Variants in SLC1A7 observed in about 807,000 individuals in gnomAD.
The protein encoded by SLC1A7 is excitatory amino acid transporter 5.
In SLC1A7, 40 loss-of-function variants were observed where a neutral mutation model predicts 47.7. The observed-to-expected ratio is 0.84, with a 90% CI of 0.65 to 1.09. SLC1A7 has a LOEUF of 1.09. SLC1A7 is among the 50% of genes least tolerant of loss of function. The probability of loss-of-function intolerance (pLI) is 0.00; values close to 1 mark genes in which losing one functional copy is unlikely to be tolerated. For missense variants in SLC1A7, 746 were observed against 769.5 expected (o/e 0.97, Z 0.36); for synonymous variants, 323 against 325.6 (o/e 0.99, Z 0.09).
intron 3 of SLC1A7, among the ~76,000 whole-genome samples, chr1:53,109,685 T>C (rs1012121379): frequency 2.0e-5 from 3 of 152,176 alleles, no homozygotes; most frequent in African/African-American, 7.2e-5. Flanking sequence ...GCACCTGTTC[T>C]GGGCCAGGGC....
chr1:53,101,014 T>G, intron 5 of SLC1A7, among the ~76,000 whole-genome samples: 1 of 140,570 alleles, frequency 7.1e-6, no homozygotes, highest in Non-Finnish European at 1.6e-5. Context: ...ACCCTGCCTT[T>G]GTCCACTCAC....
chr1:53,139,496 G>A (rs1408642781), intron 1 of SLC1A7, among the ~76,000 whole-genome samples: 2 of 152,208 alleles, frequency 1.3e-5, no homozygotes, highest in Non-Finnish European at 2.9e-5. Flanking sequence ...GGCAGTGGGT[G>A]GAGATGGGTG....
chr1:53,135,568 C>T (rs1464192778), intron 1 of SLC1A7, among the ~76,000 whole-genome samples: 2 of 152,178 alleles, frequency 1.3e-5, no homozygotes, highest in African/African-American at 4.8e-5. Flanking sequence ...ACTCCTTGCC[C>T]AATAAGCTGT....
rs1000780239 is a variant in SLC1A7, at chr1:53,087,868, C to T, written c.*141G>A. ...TCTCTGAGATACATTTTCCGTCAAG[C>T]GGGGTTAATTCCAGCCTCTCAAGGG... On this transcript the variant is annotated 3_prime_UTR_variant, in exon 11 of 11. Coordinates refer to ENST00000371494, the MANE Select transcript of SLC1A7 (RefSeq NM_006671.6). 14 of 445,096 alleles carry T rather than the reference C, an allele frequency of 3.1e-5. No homozygotes were observed. Among genetic ancestry groups the T allele is most frequent in the Non-Finnish European group, 5.2e-5 (13 of 252,164 alleles). 27.6% of individuals were successfully genotyped at this position (445,096 alleles called of 1,614,324 possible).
At chr1:53,103,192 T>A in intron 5 of SLC1A7, 154 bp downstream of exon 5, 2 of 609,018 alleles carry the variant, frequency 3.3e-6, no homozygotes, top group Non-Finnish European at 2.7e-6. Context: ...AGGCGAAGGA[T>A]TTAAATAAAC....
intron 2 of SLC1A7, among the ~76,000 whole-genome samples, chr1:53,123,186 C>A (rs568587216): frequency 2.0e-5 from 3 of 152,300 alleles, no homozygotes; most frequent in African/African-American, 7.2e-5. Flanking sequence ...GCAGTCAGGG[C>A]CAGGTCCAGT....
At chr1:53,104,525 G>A (rs540770187) in intron 4 of SLC1A7, among the ~76,000 whole-genome samples, 14 of 152,294 alleles carry the variant, frequency 9.2e-5, no homozygotes, top group South Asian at 4.1e-4. Context: ...AAAGAGAAAG[G>A]GCATTCCAGA....
chr1:53,090,517 C>T lies in SLC1A7; in HGVS notation c.1226+95G>A, dbSNP rs546530098. ...GCCTGCTGTGCTCCGAGCCCAGGCT[C>T]GCTCGCTTCAGATACCCCTCAAGTC... On this transcript the variant is annotated intron_variant, in intron 8 of 10. Transcript: ENST00000371494. The T allele has an allele frequency of 4.6e-5, 66 of 1,440,008 alleles. No individual in the cohort carries two copies. The East Asian group carries it at 1.1e-3, about 23-fold the overall frequency. 89.2% of individuals were successfully genotyped at this position (1,440,008 alleles called of 1,614,324 possible). A position where few individuals can be genotyped will look rare whatever the true frequency, so the allele number is the denominator to read the frequency against.
intron 4 of SLC1A7, among the ~76,000 whole-genome samples, chr1:53,105,113 A>G (rs937331343): frequency 6.6e-6 from 1 of 152,234 alleles, no homozygotes; most frequent in Non-Finnish European, 1.5e-5. Context: ...TTATAATATT[A>G]TTTAAAAATA....
chr1:53,093,491 G>C lies in SLC1A7; in HGVS notation c.767C>G (p.Ser256Trp), dbSNP rs775058993. The C allele has an allele frequency of 1.2e-6, 2 of 1,611,146 alleles. No homozygotes were observed. Among genetic ancestry groups the C allele is most frequent in the Non-Finnish European group, 8.5e-7 (1 of 1,179,786 alleles). ...AGCCACCGCCACGATCTTCATGACC[G>C]ACTCATTGAGGCACTGGCAGAAGCT... ...LVSFCQCLNESVMKIVAVAVW... is the reference protein window; with the variant it reads ...LVSFCQCLNEWVMKIVAVAVW... Residue 256 changes from serine (S) to tryptophan (W), a missense_variant, in exon 6 of 11, where the codon TCG becomes TGG. Coordinates refer to ENST00000371494, the MANE Select transcript of SLC1A7 (RefSeq NM_006671.6).
intron 5 of SLC1A7, chr1:53,102,441 C>A (rs951535165): frequency 6.6e-6 from 1 of 152,102 alleles, no homozygotes; most frequent in African/African-American, 2.4e-5. Flanking sequence ...GGCACTCGGC[C>A]TAGTCTGCGG....
chr1:53,122,989 C>T (rs894946053), intron 2 of SLC1A7, among the ~76,000 whole-genome samples: 1 of 152,122 alleles, frequency 6.6e-6, no homozygotes, highest in African/African-American at 2.4e-5. Context: ...CCCTGCTGCC[C>T]TCTGAAGGTC....
At chr1:53,134,596 A>G (rs1256140951) in intron 1 of SLC1A7, among the ~76,000 whole-genome samples, 167 bp from the exon 2 acceptor site, 2 of 152,128 alleles carry the variant, frequency 1.3e-5, no homozygotes, top group Admixed American at 6.5e-5. Context: ...CTGGGTTCCA[A>G]TCCTGGTAAA....
rs1288260329 is a variant in SLC1A7 at position 53,090,874 on chromosome 1, G to C, written c.1032-68C>G. Reference sequence around the variant, plus strand: ...GGATGGCTGGGGCCTCTGTCGGGAAGCTCACCCCTCCCCAGGCAGCCACCC... The same window carrying C: ...GGATGGCTGGGGCCTCTGTCGGGAACCTCACCCCTCCCCAGGCAGCCACCC... On this transcript the variant is annotated intron_variant, in intron 7 of 10. Transcript: ENST00000371494. The C allele has an allele frequency of 2.6e-6, 4 of 1,554,306 alleles. No individual in the cohort carries two copies. The South Asian group carries it at 4.7e-5, about 18-fold the overall frequency.
At position 53,087,439 on chromosome 1, in the gene SLC1A7, A is replaced by G. The variant is rs1644372180; in HGVS notation, c.*570T>C. 1 of 152,288 alleles carries G rather than the reference A, an allele frequency of 6.6e-6. No homozygotes were observed. The highest frequency in any genetic ancestry group is 1.5e-5 in the Non-Finnish European group (1 of 68,094). 9.4% of individuals were successfully genotyped at this position (152,288 alleles called of 1,614,324 possible). On this transcript the variant is annotated 3_prime_UTR_variant, in exon 11 of 11. Transcript: ENST00000371494. ...AAGACATCTGTCTCCACATCCAAGG[A>G]GCTTTGCAAAAGACACGTGGCAGGA...
chr1:53,122,113 A>G (rs143364377), intron 2 of SLC1A7, among the ~76,000 whole-genome samples: 2 of 152,162 alleles, frequency 1.3e-5, no homozygotes, highest in Non-Finnish European at 2.9e-5. Flanking sequence ...GCTCAGCACC[A>G]GGAATAACTT....
chr1:53,119,336 G>A (rs554597960), intron 2 of SLC1A7, among the ~76,000 whole-genome samples: 2 of 152,248 alleles, frequency 1.3e-5, no homozygotes, highest in South Asian at 4.2e-4. Context: ...GATCTGGTTT[G>A]GGCTATGATT....
At position 53,090,964 on chromosome 1, in the gene SLC1A7, G is replaced by C. The variant is rs1297957049; in HGVS notation, c.1032-158C>G. The C allele has an allele frequency of 2.0e-6, 3 of 1,510,404 alleles. No individual in the cohort carries two copies. The Admixed American group carries it at 6.1e-5, about 31-fold the overall frequency. The allele number at this position is 1,510,404 out of a possible 1,614,324, so 93.6% of individuals were successfully genotyped here. ...GGAGGTAAGGACCGCGGGCACTGCA[G>C]TGCTCTCACTTGGTTCTTCCTATGA... On this transcript the variant is annotated intron_variant, in intron 7 of 10. Transcript: ENST00000371494.
At position 53,142,508 on chromosome 1, in the gene SLC1A7, G is replaced by A. The variant is rs1192656161; in HGVS notation, c.-59C>T. Reference sequence around the variant, plus strand: ...CCATTCCACGCATGAGAGCCCGGCCGGGGGCACAGGGTCTGGGCTGAGGGC... The same window carrying A: ...CCATTCCACGCATGAGAGCCCGGCCAGGGGCACAGGGTCTGGGCTGAGGGC... On this transcript the variant is annotated 5_prime_UTR_variant, in exon 1 of 11. Coordinates refer to ENST00000371494, the MANE Select transcript of SLC1A7 (RefSeq NM_006671.6). 32 of 1,576,820 alleles carry A rather than the reference G, an allele frequency of 2.0e-5. No individual in the cohort carries two copies. The highest frequency in any genetic ancestry group is 2.0e-5 in the Non-Finnish European group (23 of 1,162,106).
Sources: gnomAD v4.1 joint callset for allele counts (sites outside exome capture counted in the v4.1 genomes callset) on GRCh38, gnomAD v4.1.1 for gene constraint, MANE v1.5 for transcripts, NCBI Gene and HGNC (gene_info 2026-07-23, HGNC 2026-07-21) for gene names.